Variants in ZBTB25 observed in about 807,000 individuals in gnomAD.
ZBTB25 encodes zinc finger and BTB domain-containing protein 25.
Under a neutral mutation model 34.2 loss-of-function variants are expected in ZBTB25, and 20 were observed. The ratio of observed to expected loss-of-function variants is 0.58; its 90% CI spans 0.41 to 0.85. The LOEUF (loss-of-function observed/expected upper bound fraction) is 0.85. Ranked by LOEUF, ZBTB25 falls within the 40% of genes least tolerant of loss-of-function variation. The probability of loss-of-function intolerance (pLI) is 0.00; values close to 1 mark genes in which losing one functional copy is unlikely to be tolerated. For missense variants in ZBTB25, 437 were observed against 521.8 expected (o/e 0.84, Z 1.58); for synonymous variants, 175 against 186.4 (o/e 0.94, Z 0.50).
intron 2 of ZBTB25, chr14:64,469,849 C>G: frequency 1.8e-6 from 1 of 546,122 alleles, no homozygotes; most frequent in Admixed American, 3.7e-5. Context: ...AAAACTCTAC[C>G]ACTGAAATGC....
At position 64,453,710 on chromosome 14, in the gene ZBTB25, CAT is replaced by C. The variant is rs112312605; in HGVS notation, c.174-4074_174-4073del. The C allele has an allele frequency of 4.4e-4, 511 of 1,174,390 alleles. 5 individuals carry two copies. The East Asian group carries it at 5.9e-3, about 14-fold the overall frequency. 72.7% of individuals were successfully genotyped at this position (1,174,390 alleles called of 1,614,324 possible). A position where few individuals can be genotyped will look rare whatever the true frequency, so the allele number is the denominator to read the frequency against. ...GCTATGTCCTGGTTAAATGTCCTCA[CAT>C]GTGTCCAGTCATGGTGTCCCCATCT... is the stretch of plus-strand genomic sequence containing the variant. On this transcript the variant is annotated intron_variant, in intron 2 of 2. Transcript: ENST00000555220.
intron 2 of ZBTB25, chr14:64,468,978 G>C: frequency 6.2e-7 from 1 of 1,614,208 alleles, no homozygotes; most frequent in Non-Finnish European, 8.5e-7. Flanking sequence ...GATGAGGTCT[G>C]TGAATCAAAT....
chr14:64,498,468 G>A (rs542255429), intron 1 of ZBTB25, among the ~76,000 whole-genome samples: 5 of 150,942 alleles, frequency 3.3e-5, no homozygotes, highest in East Asian at 2.0e-4. Context: ...TGCCCATCAC[G>A]CCTGGCTAAT....
intron 2 of ZBTB25, chr14:64,462,405 G>C (rs1255653746): frequency 3.9e-5 from 6 of 152,244 alleles, no homozygotes; most frequent in African/African-American, 1.4e-4. Flanking sequence ...CTGAGCAACA[G>C]AGCAAGACCC....
intron 2 of ZBTB25, chr14:64,469,538 G>C: frequency 1.9e-6 from 3 of 1,613,940 alleles, no homozygotes; most frequent in Non-Finnish European, 1.7e-6. Context: ...TGGTTTTGAG[G>C]ATAGAACTTC....
intron 2 of ZBTB25, among the ~76,000 whole-genome samples, chr14:64,453,361 T>A (rs996502402): frequency 2.0e-5 from 3 of 151,946 alleles, no homozygotes; most frequent in Non-Finnish European, 2.9e-5. Flanking sequence ...CACCTGAGGT[T>A]GGGAGTTCAA....
chr14:64,474,455 T>C (rs145715734), downstream of ZBTB25: 86 of 167,202 alleles, frequency 5.1e-4, 2 homozygotes, highest in East Asian at 0.016. Context: ...TCAAGTTGAA[T>C]TAATTTATGT....
At chr14:64,497,245 C>T (rs1054886625) in intron 1 of ZBTB25, among the ~76,000 whole-genome samples, 2 of 151,894 alleles carry the variant, frequency 1.3e-5, no homozygotes, top group Non-Finnish European at 2.9e-5. Flanking sequence ...TTGTAATATA[C>T]CAGATTTTAC....
intron 1 of ZBTB25, among the ~76,000 whole-genome samples, chr14:64,496,628 T>C (rs2079287248): frequency 6.6e-6 from 1 of 152,246 alleles, no homozygotes; most frequent in African/African-American, 2.4e-5. Context: ...ACATATTTTT[T>C]CCTAAAAAAT....
chr14:64,502,383 G>C (rs2079525928), intron 1 of ZBTB25, among the ~76,000 whole-genome samples: 2 of 152,158 alleles, frequency 1.3e-5, no homozygotes, highest in African/African-American at 4.8e-5. Context: ...TTAAGGAGTT[G>C]ATGTCCGATA....
rs924345279 is a variant in ZBTB25 at position 64,478,619 on chromosome 14, T to A, written c.*8304A>T. ...TGGAAAAATCTTCAGAAATGCTCAA[T>A]GTAGCACAATAATGTGATATTTTAA... On this transcript the variant is annotated 3_prime_UTR_variant, in exon 3 of 3. Coordinates refer to ENST00000608382, the MANE Select transcript of ZBTB25 (RefSeq NM_006977.5). 3 of 152,200 alleles carry A rather than the reference T, an allele frequency of 2.0e-5. No individual in the cohort carries two copies. The highest frequency in any genetic ancestry group is 7.2e-5 in the African/African-American group (3 of 41,444). 9.4% of individuals were successfully genotyped at this position (152,200 alleles called of 1,614,324 possible).
intron 2 of ZBTB25, chr14:64,458,655 T>C (rs2078513914): frequency 5.4e-6 from 2 of 368,072 alleles, no homozygotes. Flanking sequence ...GATGACACAT[T>C]GCAGGTCAGG....
intron 1 of ZBTB25, among the ~76,000 whole-genome samples, chr14:64,492,714 C>T (rs1473872305): frequency 6.6e-6 from 1 of 152,006 alleles, no homozygotes; most frequent in Non-Finnish European, 1.5e-5. Flanking sequence ...TAATAAGCCA[C>T]CCATACAGGA....
intron 2 of ZBTB25, among the ~76,000 whole-genome samples, chr14:64,464,490 G>T (rs2078589572): frequency 6.6e-6 from 1 of 152,130 alleles, no homozygotes; most frequent in Non-Finnish European, 1.5e-5. Context: ...GGAAACTACA[G>T]AATCTTACAA....
intron 2 of ZBTB25, among the ~76,000 whole-genome samples, chr14:64,464,469 T>A (rs1200821713): frequency 6.6e-6 from 1 of 152,250 alleles, no homozygotes; most frequent in Non-Finnish European, 1.5e-5. Context: ...CTTTCCTTGA[T>A]AAGCCTCTGT....
downstream of ZBTB25, among the ~76,000 whole-genome samples, chr14:64,476,581 A>T (rs932771644): frequency 3.3e-5 from 5 of 152,206 alleles, no homozygotes; most frequent in African/African-American, 7.2e-5. Flanking sequence ...TCAGCCTCCC[A>T]AAGTGCTGGG....
In ZBTB25 at chr14:64,503,695, G is replaced by T; in HGVS notation, c.-42C>A. 1.3e-6 allele frequency: 1 copy of T among 786,164 alleles called. No individual in the cohort carries two copies. Among genetic ancestry groups the T allele is most frequent in the Non-Finnish European group, 1.5e-6 (1 of 648,098 alleles). The allele number at this position is 786,164 out of a possible 1,614,324, so 48.7% of individuals were successfully genotyped here. On this transcript the variant is annotated 5_prime_UTR_variant, in exon 1 of 3. Coordinates refer to ENST00000608382, the MANE Select transcript of ZBTB25 (RefSeq NM_006977.5). Reference sequence around the variant, plus strand: ...GCCGCGGCGGCAGGCCGACTCCTCCGTGCAGGAGGGGCGGGCTCCCAAGCC... The same window carrying T: ...GCCGCGGCGGCAGGCCGACTCCTCCTTGCAGGAGGGGCGGGCTCCCAAGCC...
intron 2 of ZBTB25, among the ~76,000 whole-genome samples, chr14:64,455,909 A>C (rs983534029): frequency 6.6e-6 from 1 of 152,204 alleles, no homozygotes; most frequent in Non-Finnish European, 1.5e-5. Flanking sequence ...TTAGCTCTCT[A>C]TAGAGAGCAG....
At chr14:64,456,373 A>G (rs2078474341) in intron 2 of ZBTB25, among the ~76,000 whole-genome samples, 1 of 152,232 alleles carries the variant, frequency 6.6e-6, no homozygotes, top group African/African-American at 2.4e-5. Context: ...AATATTTTCT[A>G]TATTAATTCA....
Sources: gnomAD v4.1 joint callset for allele counts (sites outside exome capture counted in the v4.1 genomes callset) on GRCh38, gnomAD v4.1.1 for gene constraint, MANE v1.5 for transcripts, NCBI Gene and HGNC (gene_info 2026-07-23, HGNC 2026-07-21) for gene names.